The following RNF180 variants were observed in gnomAD, a reference collection of about 807,000 sequenced individuals.
RNF180 encodes the protein E3 ubiquitin-protein ligase RNF180.
RNF180 carries 38 observed loss-of-function variants against 59.2 expected under a neutral mutation model. The observed-to-expected ratio is 0.64, with a 90% CI of 0.50 to 0.84. The LOEUF (loss-of-function observed/expected upper bound fraction) is 0.84. Ranked by LOEUF, RNF180 falls within the 40% of genes least tolerant of loss-of-function variation. RNF180 has a pLI of 0.00. For synonymous variants in RNF180, 262 were observed against 240.3 expected, an observed-to-expected ratio of 1.09 and a Z score of -0.84; for missense variants, 705 against 700.9, an observed-to-expected ratio of 1.01 and a Z score of -0.07.
intron 7 of RNF180, among the ~76,000 whole-genome samples, chr5:64,343,094 T>G (rs1745421221): frequency 6.6e-6 from 1 of 152,066 alleles, no homozygotes. Context: ...TAAAAAATTA[T>G]GATATATGCA....
At chr5:64,209,382 G>A (rs1049412627) in intron 2 of RNF180, among the ~76,000 whole-genome samples, 3 of 152,004 alleles carry the variant, frequency 2.0e-5, no homozygotes, top group Non-Finnish European at 4.4e-5. Flanking sequence ...CAATTTATAT[G>A]ATTAAATGAA....
intron 7 of RNF180, among the ~76,000 whole-genome samples, chr5:64,348,458 A>T (rs2112576937): frequency 6.6e-6 from 1 of 152,208 alleles, no homozygotes; most frequent in East Asian, 1.9e-4. Context: ...TTCACTTTTA[A>T]AAGAGATTAT....
chr5:64,321,260 A>G (rs1203934236), intron 5 of RNF180, among the ~76,000 whole-genome samples: 1 of 152,188 alleles, frequency 6.6e-6, no homozygotes, highest in African/African-American at 2.4e-5. Flanking sequence ...ACATGATTCT[A>G]TATTTAGAAA....
intron 5 of RNF180, among the ~76,000 whole-genome samples, chr5:64,271,820 A>AT (rs1354082072): frequency 1.3e-5 from 2 of 151,942 alleles, no homozygotes; most frequent in Admixed American, 1.3e-4. Flanking sequence ...TTTGGTTTTT[A>AT]TTTTTTGTTT....
At chr5:64,242,548 A>G (rs993562089) in intron 5 of RNF180, among the ~76,000 whole-genome samples, 1 of 152,228 alleles carries the variant, frequency 6.6e-6, no homozygotes, top group Non-Finnish European at 1.5e-5. Context: ...TAATAATACT[A>G]TAATCAAAAC....
chr5:64,221,829 A>G (rs891213968), intron 5 of RNF180, among the ~76,000 whole-genome samples: 1 of 152,164 alleles, frequency 6.6e-6, no homozygotes, highest in African/African-American at 2.4e-5. Context: ...AGCTTTGAAG[A>G]TAGTACAGGG....
chr5:64,215,254 A>G (rs1259421910), intron 4 of RNF180, among the ~76,000 whole-genome samples: 2 of 151,992 alleles, frequency 1.3e-5, no homozygotes, highest in Admixed American at 1.3e-4. Context: ...TTCTGAATAA[A>G]CTTTTTTTTT....
intron 5 of RNF180, among the ~76,000 whole-genome samples, chr5:64,293,067 G>A (rs1742690144): frequency 6.6e-6 from 1 of 152,214 alleles, no homozygotes; most frequent in South Asian, 2.1e-4. Context: ...TTTCCAGCCT[G>A]TTGCGCTGGG....
At position 64,192,628 on chromosome 5, in the gene RNF180, C is replaced by T. The variant is rs189616191; in HGVS notation, c.1-8180C>T. Among the ~76,000 whole-genome samples the T allele has an allele frequency of 7.5e-3, 1,133 of 151,924 alleles. 12 individuals are homozygous for T. Among genetic ancestry groups the T allele is most frequent in the African/African-American group, 0.026 (1,080 of 41,424 alleles). ...CGGAGGTTGCTGTGAGCCGAGATCG[C>T]GCCACTGCACTCCAGCCTGGGCGAC... is the stretch of plus-strand genomic sequence containing the variant. On this transcript the variant is annotated intron_variant, in intron 1 of 7. Coordinates refer to ENST00000389100, the MANE Select transcript of RNF180 (RefSeq NM_001113561.2).
At chr5:64,220,807 G>A (rs1448966114) in intron 5 of RNF180, among the ~76,000 whole-genome samples, 1 of 151,952 alleles carries the variant, frequency 6.6e-6, no homozygotes, top group Non-Finnish European at 1.5e-5. Flanking sequence ...TATTATACTT[G>A]AAAATTAAAA....
chr5:64,267,337 C>A (rs1001702649), intron 5 of RNF180, among the ~76,000 whole-genome samples: 2 of 151,410 alleles, frequency 1.3e-5, no homozygotes, highest in African/African-American at 4.9e-5. Flanking sequence ...CACTTTGATT[C>A]TTTTATTTAT....
chr5:64,236,499 A>C (rs1041231289), intron 5 of RNF180, among the ~76,000 whole-genome samples: 5 of 152,214 alleles, frequency 3.3e-5, no homozygotes, highest in Non-Finnish European at 7.4e-5. Flanking sequence ...AAGATTTGGA[A>C]ATTTTGCTGC....
At chr5:64,351,921 T>A (rs1007681773) in intron 7 of RNF180, among the ~76,000 whole-genome samples, 1 of 152,170 alleles carries the variant, frequency 6.6e-6, no homozygotes, top group Non-Finnish European at 1.5e-5. Flanking sequence ...CCTCATAAAA[T>A]GAGTTAGGAG....
At chr5:64,185,225 G>A (rs1041645794) in intron 1 of RNF180, among the ~76,000 whole-genome samples, 2 of 151,992 alleles carry the variant, frequency 1.3e-5, no homozygotes, top group East Asian at 3.9e-4. Context: ...CTAACTTTTG[G>A]CTATATTCCT....
intron 7 of RNF180, among the ~76,000 whole-genome samples, chr5:64,342,888 C>T (rs937931348): frequency 1.3e-5 from 2 of 152,110 alleles, no homozygotes; most frequent in African/African-American, 2.4e-5. Context: ...ATAAACACAG[C>T]GTAGGTCATG....
At chr5:64,331,907 C>T (rs1182385758) in intron 7 of RNF180, among the ~76,000 whole-genome samples, 1 of 152,130 alleles carries the variant, frequency 6.6e-6, no homozygotes. Flanking sequence ...ACTGCATTTA[C>T]CTCGTCCTGA....
chr5:64,204,645 G>T (rs569906544), intron 2 of RNF180, among the ~76,000 whole-genome samples: 1 of 151,672 alleles, frequency 6.6e-6, no homozygotes, highest in Admixed American at 6.6e-5. Flanking sequence ...TCATTCTTGT[G>T]GTGTCTTTGT....
chr5:64,195,353 A>T (rs983260749), intron 1 of RNF180, among the ~76,000 whole-genome samples: 7 of 152,238 alleles, frequency 4.6e-5, no homozygotes, highest in African/African-American at 1.4e-4. Flanking sequence ...TATGAAAGTT[A>T]TGTAGTTAAA....
At chr5:64,177,559 A>ATATG (rs1750316615) in intron 1 of RNF180, among the ~76,000 whole-genome samples, 1 of 105,706 alleles carries the variant, frequency 9.5e-6, no homozygotes, top group Admixed American at 9.8e-5. Flanking sequence ...ATATATATAT[A>ATATG]TATATATGTA....
Sources: gnomAD v4.1 joint callset for allele counts (sites outside exome capture counted in the v4.1 genomes callset) on GRCh38, gnomAD v4.1.1 for gene constraint, MANE v1.5 for transcripts, NCBI Gene and HGNC (gene_info 2026-07-23, HGNC 2026-07-21) for gene names.